Variants in SNAPC1 observed in about 807,000 individuals in gnomAD.
SNAPC1 encodes the protein snRNA-activating protein complex subunit 1.
A neutral mutation model predicts 50.1 loss-of-function variants in SNAPC1; 42 were observed. The observed-to-expected ratio is 0.84, with a 90% CI of 0.65 to 1.08. The LOEUF (loss-of-function observed/expected upper bound fraction) is 1.08, where lower values mean the gene tolerates loss of function less well. SNAPC1 is among the 50% of genes least tolerant of loss of function. The pLI is 0.00. For missense variants in SNAPC1, 477 were observed against 427.3 expected (o/e 1.12, Z -1.02); for synonymous variants, 164 against 144.2 (o/e 1.14, Z -0.98).
chr14:61,774,613 A>G (rs187608821), intron 4 of SNAPC1, among the ~76,000 whole-genome samples: 2 of 146,730 alleles, frequency 1.4e-5, no homozygotes, highest in Admixed American at 6.8e-5. Flanking sequence ...TCCTGCATAT[A>G]TGAGCACTCA....
chr14:61,787,741 C>A (rs2045125383), intron 8 of SNAPC1, among the ~76,000 whole-genome samples: 1 of 152,194 alleles, frequency 6.6e-6, no homozygotes, highest in East Asian at 1.9e-4. Context: ...TCTTGTCTAC[C>A]TATTAAGCTA....
intron 1 of SNAPC1, among the ~76,000 whole-genome samples, chr14:61,763,486 C>CTTTTTT (rs71117854): frequency 6.1e-5 from 6 of 97,988 alleles, no homozygotes; most frequent in Non-Finnish European, 8.0e-5. Flanking sequence ...CCAGCAGCTG[C>CTTTTTT]TTTTTTTTTT....
At chr14:61,769,227 G>A (rs775548573) in intron 4 of SNAPC1, among the ~76,000 whole-genome samples, 1 of 151,720 alleles carries the variant, frequency 6.6e-6, no homozygotes, top group Non-Finnish European at 1.5e-5. Flanking sequence ...GCATGGTGGC[G>A]CACGTCTGTG....
In SNAPC1 at chr14:61,776,189, A is replaced by G; in HGVS notation, c.629A>G (p.Asp210Gly). The G allele has an allele frequency of 6.2e-7, 1 of 1,612,912 alleles. No individual in the cohort carries two copies. The highest frequency in any genetic ancestry group is 8.5e-7 in the Non-Finnish European group (1 of 1,179,396). The change falls in exon 5 of 10, where the codon GAT becomes GGT. Residue 210 changes from aspartate (D) to glycine (G), a missense_variant. Coordinates refer to ENST00000216294, the MANE Select transcript of SNAPC1 (RefSeq NM_003082.4). The part of the protein sequence containing the change: ...KPDKALSLIK[D>G]DFFDNIKNIV... ...GATAAAGCCCTCAGCTTGATAAAGGATGATTTTTTTGACAATATTAAGAAC... is the reference window on the plus strand; with the variant it reads ...GATAAAGCCCTCAGCTTGATAAAGGGTGATTTTTTTGACAATATTAAGAAC...
chr14:61,793,615 TTTG>T (rs2045167897), intron 9 of SNAPC1, among the ~76,000 whole-genome samples: 1 of 151,972 alleles, frequency 6.6e-6, no homozygotes, highest in African/African-American at 2.4e-5. Flanking sequence ...CCATTTCCCT[TTTG>T]TTTTTCACTG....
At chr14:61,764,275 C>T (rs2044931136) in intron 1 of SNAPC1, among the ~76,000 whole-genome samples, 1 of 152,192 alleles carries the variant, frequency 6.6e-6, no homozygotes, top group African/African-American at 2.4e-5. Context: ...GGCGAAATAA[C>T]TGATTTTCTG....
intron 8 of SNAPC1, among the ~76,000 whole-genome samples, chr14:61,784,334 T>C (rs1594650426): frequency 6.6e-6 from 1 of 152,236 alleles, no homozygotes; most frequent in Non-Finnish European, 1.5e-5. Context: ...CTGAGTACAC[T>C]TATTTCAGGA....
intron 4 of SNAPC1, among the ~76,000 whole-genome samples, chr14:61,771,239 A>G (rs184830578): frequency 3.9e-5 from 6 of 152,366 alleles, no homozygotes; most frequent in African/African-American, 1.2e-4. Context: ...TTTCTGCAAA[A>G]TAAGTGTTTT....
intron 8 of SNAPC1, among the ~76,000 whole-genome samples, chr14:61,782,810 G>T (rs1433063485): frequency 2.6e-5 from 4 of 152,010 alleles, no homozygotes; most frequent in African/African-American, 2.4e-5. Flanking sequence ...GGAGGCTGAG[G>T]CACGAGAATT....
chr14:61,789,656 G>A (rs747190465), intron 8 of SNAPC1, among the ~76,000 whole-genome samples: 1 of 152,172 alleles, frequency 6.6e-6, no homozygotes, highest in Admixed American at 6.5e-5. Context: ...AGAGTGAGGG[G>A]TCCATTTAGG....
In SNAPC1 at chr14:61,795,872, C is replaced by G. The variant is rs61994392; in HGVS notation, c.*889C>G. On this transcript the variant is annotated 3_prime_UTR_variant, in exon 10 of 10. Transcript: ENST00000216294. The stretch of plus-strand genomic sequence containing the variant: ...TGGCTCAACTGTTTTTTTTTTTTCC[C>G]TAATAGAGATGGAGTATCGCTATGT... 2.7e-5 allele frequency: 4 copies of G among 150,640 alleles called. No homozygotes were observed. Among genetic ancestry groups the G allele is most frequent in the Admixed American group, 2.0e-4 (3 of 15,160 alleles). The allele number at this position is 150,640 out of a possible 1,614,324, so 9.3% of individuals were successfully genotyped here.
At chr14:61,763,600 A>G (rs1017709752) in intron 1 of SNAPC1, among the ~76,000 whole-genome samples, 1 of 151,540 alleles carries the variant, frequency 6.6e-6, no homozygotes, top group Non-Finnish European at 1.5e-5. Context: ...GTTAAGCTCA[A>G]ATGACATCCT....
intron 4 of SNAPC1, among the ~76,000 whole-genome samples, chr14:61,774,404 G>A (rs1045698506): frequency 1.3e-5 from 2 of 152,014 alleles, no homozygotes; most frequent in African/African-American, 4.8e-5. Context: ...GTACAAATGC[G>A]AAACATGAAC....
chr14:61,785,816 C>A (rs1333545746), intron 8 of SNAPC1, among the ~76,000 whole-genome samples: 1 of 152,088 alleles, frequency 6.6e-6, no homozygotes, highest in Non-Finnish European at 1.5e-5. Context: ...TTCACATAAG[C>A]AATAGGGGAG....
At chr14:61,766,424 A>G (rs1374528000) in intron 1 of SNAPC1, among the ~76,000 whole-genome samples, 1 of 152,224 alleles carries the variant, frequency 6.6e-6, no homozygotes, top group Non-Finnish European at 1.5e-5. Context: ...CAGTGTAGCA[A>G]AACTGCTGGC....
rs145378546 is a variant in SNAPC1 at position 61,762,981 on chromosome 14, C to CTTTTTTTTTTTTTTT, written c.128+406_128+420dup. 1.1e-3 allele frequency among the ~76,000 whole-genome samples: 83 copies of CTTTTTTTTTTTTTTT among 73,040 alleles called. 17 individuals are homozygous for CTTTTTTTTTTTTTTT. Among genetic ancestry groups the CTTTTTTTTTTTTTTT allele is most frequent in the East Asian group, 4.6e-3 (9 of 1,936 alleles). 47.9% of individuals were successfully genotyped at this position (73,040 alleles called of 152,430 possible). On this transcript the variant is annotated intron_variant, in intron 1 of 9. Coordinates refer to ENST00000216294, the MANE Select transcript of SNAPC1 (RefSeq NM_003082.4). The stretch of plus-strand genomic sequence containing the variant: ...TTTTTCCTCCAACAACCAAAGTTGT[C>CTTTTTTTTTTTTTTT]TTTTTTTTTTTTTTTTTTTTTTTTT...
At chr14:61,764,138 T>A (rs975452304) in intron 1 of SNAPC1, among the ~76,000 whole-genome samples, 1 of 152,226 alleles carries the variant, frequency 6.6e-6, no homozygotes, top group Admixed American at 6.5e-5. Flanking sequence ...TTCACCATGT[T>A]GGCCAGGCTG....
At chr14:61,770,234 C>CT (rs72091048) in intron 4 of SNAPC1, among the ~76,000 whole-genome samples, 19,650 of 133,872 alleles carry the variant, frequency 0.15, 1,861 homozygotes, top group South Asian at 0.31. Context: ...CCCCCATGTT[C>CT]TTTTTTTTTT....
intron 4 of SNAPC1, among the ~76,000 whole-genome samples, chr14:61,771,504 G>C (rs1337164926): frequency 1.3e-5 from 2 of 152,216 alleles, no homozygotes; most frequent in Non-Finnish European, 2.9e-5. Context: ...GCAGCTTAGT[G>C]AGAAAGAGGT....
Sources: allele counts gnomAD v4.1 joint callset (sites outside exome capture counted in the v4.1 genomes callset), GRCh38; gene constraint gnomAD v4.1.1; transcripts MANE v1.5; gene names NCBI Gene and HGNC (gene_info 2026-07-23, HGNC 2026-07-21).